Variants in TGM5 observed in about 807,000 individuals in gnomAD.
The protein encoded by TGM5 is transglutaminase 5, also known as protein-glutamine gamma-glutamyltransferase 5.
TGM5 carries 69 observed loss-of-function variants against 77.2 expected under a neutral mutation model. The observed-to-expected ratio is 0.89, with a 90% CI of 0.74 to 1.09. The LOEUF (loss-of-function observed/expected upper bound fraction) is 1.09. Ranked by LOEUF, TGM5 falls within the 50% of genes least tolerant of loss-of-function variation. The pLI is 0.00. For missense variants in TGM5, 842 were observed against 896.5 expected (o/e 0.94, Z 0.78); for synonymous variants, 346 against 351.8 (o/e 0.98, Z 0.18).
chr15:43,261,654 G>A (rs1023968004), intron 1 of TGM5, among the ~76,000 whole-genome samples: 1 of 152,080 alleles, frequency 6.6e-6, no homozygotes, highest in African/African-American at 2.4e-5. Context: ...ATCACAATTG[G>A]CTCACCCATC....
chr15:43,237,617 T>C (rs1302385029), intron 9 of TGM5, among the ~76,000 whole-genome samples: 1 of 152,132 alleles, frequency 6.6e-6, no homozygotes, highest in Non-Finnish European at 1.5e-5. Context: ...GTTGCCATCA[T>C]AGTTCACTGC....
At chr15:43,238,230 T>C (rs1233639849) in intron 9 of TGM5, among the ~76,000 whole-genome samples, 2 of 152,186 alleles carry the variant, frequency 1.3e-5, no homozygotes, top group Non-Finnish European at 1.5e-5. Context: ...CTGGCCCTCA[T>C]GGACTGGATA....
chr15:43,257,627 G>T lies in TGM5; in HGVS notation c.437-941C>A, dbSNP rs563921368. The stretch of plus-strand genomic sequence containing the variant: ...ACATACCAACACTTTTACACTGTTG[G>T]TAGGACTGTAAACTAGTTCAACCAT... On this transcript the variant is annotated intron_variant, in intron 3 of 12. Coordinates refer to ENST00000220420, the MANE Select transcript of TGM5 (RefSeq NM_201631.4). 7.9e-5 allele frequency among the ~76,000 whole-genome samples: 12 copies of T among 152,278 alleles called. No homozygotes were observed. In the East Asian group the frequency reaches 2.3e-3, roughly 29 times the overall value.
chr15:43,253,460 C>A, intron 5 of TGM5, 46 bp downstream of exon 5: 1 of 1,604,406 alleles, frequency 6.2e-7, no homozygotes. Flanking sequence ...GGGCAGGGCT[C>A]CCGCTGCACA....
chr15:43,261,707 C>T (rs542066845), intron 1 of TGM5, among the ~76,000 whole-genome samples: 4 of 152,326 alleles, frequency 2.6e-5, no homozygotes, highest in Non-Finnish European at 4.4e-5. Flanking sequence ...TAACTCTCTT[C>T]ATGCCTTCCA....
Position 43,233,512 on chromosome 15 carries a change from G to C in TGM5, c.2009+42C>G, listed in dbSNP as rs56146507. 20 of 1,613,638 alleles carry C rather than the reference G, an allele frequency of 1.2e-5. No homozygotes were observed. In the South Asian group the frequency reaches 2.0e-4, roughly 16 times the overall value. ...TTCAGGAAGGATAGTGCTAATCTCA[G>C]GGGGGAAAAACAGGAGAAGGCTGAG... On this transcript the variant is annotated intron_variant, in intron 12 of 12. Coordinates refer to ENST00000220420, the MANE Select transcript of TGM5 (RefSeq NM_201631.4).
intron 7 of TGM5, 149 bp downstream of exon 7, chr15:43,240,703 T>A (rs529204108): frequency 2.6e-6 from 2 of 776,470 alleles, no homozygotes; most frequent in African/African-American, 9.4e-5. Flanking sequence ...GGGACAGCCT[T>A]GGTGGGGGGT....
At chr15:43,252,490 G>T (rs944371803) in intron 6 of TGM5, among the ~76,000 whole-genome samples, 1 of 151,888 alleles carries the variant, frequency 6.6e-6, no homozygotes, top group Non-Finnish European at 1.5e-5. Flanking sequence ...GCTAATTTTT[G>T]TATTTTTAGT....
At chr15:43,241,668 C>G (rs1396628500) in intron 6 of TGM5, among the ~76,000 whole-genome samples, 3 of 152,158 alleles carry the variant, frequency 2.0e-5, no homozygotes, top group Non-Finnish European at 4.4e-5. Context: ...TATTTCCATT[C>G]TGTGCTTTTT....
intron 3 of TGM5, among the ~76,000 whole-genome samples, chr15:43,257,525 G>GC (rs2042751070): frequency 6.6e-6 from 1 of 152,218 alleles, no homozygotes; most frequent in African/African-American, 2.4e-5. Flanking sequence ...AAGTAATGGA[G>GC]CTTACTTGAG....
chr15:43,233,571 C>A lies in TGM5; in HGVS notation c.1992G>T (p.Lys664Asn), dbSNP rs759518133. The change falls in exon 12 of 13, where the codon AAG becomes AAT. Residue 664 changes from lysine (K) to asparagine (N), a missense_variant. This residue lies in a region of TGM5 where 815 missense variants were observed against 844.6 expected (regional missense o/e 0.96). Transcript: ENST00000220420. The stretch of plus-strand genomic sequence containing the variant: ...GCACTTACAAGACTTTCTGCTGTTT[C>A]TTGAAGAGGCCACTTCCTTCCACAG... ...VLTVEGSGLF[K>N]KQQKVFLGVL... The A allele has an allele frequency of 1.2e-6, 2 of 1,614,218 alleles. No homozygotes were observed. The highest frequency in any genetic ancestry group is 3.3e-5 in the Admixed American group (2 of 60,028).
At chr15:43,248,688 G>A (rs1185830137) in intron 6 of TGM5, among the ~76,000 whole-genome samples, 1 of 152,212 alleles carries the variant, frequency 6.6e-6, no homozygotes, top group Non-Finnish European at 1.5e-5. Context: ...AAAGGTTTGT[G>A]TTTAGTCCAG....
At chr15:43,241,906 C>T (rs1036212020) in intron 6 of TGM5, among the ~76,000 whole-genome samples, 6 of 152,106 alleles carry the variant, frequency 3.9e-5, no homozygotes, top group African/African-American at 1.4e-4. Context: ...TCCCAAAGTG[C>T]TGGGATTACA....
intron 6 of TGM5, 60 bp from the exon 7 acceptor site, chr15:43,241,050 T>C: frequency 1.2e-6 from 2 of 1,610,390 alleles, no homozygotes; most frequent in Non-Finnish European, 1.7e-6. Flanking sequence ...CGTATATTCC[T>C]GGACTTTGGG....
intron 1 of TGM5, among the ~76,000 whole-genome samples, chr15:43,265,800 C>T (rs1252246677): frequency 6.6e-6 from 1 of 152,066 alleles, no homozygotes; most frequent in African/African-American, 2.4e-5. Flanking sequence ...ACCTAAATGC[C>T]CATCAATAGG....
intron 6 of TGM5, among the ~76,000 whole-genome samples, chr15:43,251,459 C>G (rs1403808563): frequency 6.6e-6 from 1 of 152,154 alleles, no homozygotes; most frequent in Non-Finnish European, 1.5e-5. Flanking sequence ...CAAACTTTGT[C>G]ACACACAAAA....
intron 9 of TGM5, 73 bp downstream of exon 9, chr15:43,238,744 T>G (rs2042609167): frequency 6.3e-7 from 1 of 1,586,842 alleles, no homozygotes; most frequent in African/African-American, 1.3e-5. Context: ...TCGCAGATGC[T>G]CTCTGGCTCC....
In TGM5 at chr15:43,253,602, C is replaced by T. The variant is rs919365583; in HGVS notation, c.588G>A (p.Lys196=). ...GGAAGTGCAGGCTCTTGTCTAGCAG[C>T]TTCAGGCAGATGTCTATGATTTTGT... The part of the protein sequence containing the change: ...FEDKIIDICL[K]LLDKSLHFQT... The change falls in exon 5 of 13, where the codon AAG becomes AAA. Residue 196 remains lysine, a synonymous_variant. Coordinates refer to ENST00000220420, the MANE Select transcript of TGM5 (RefSeq NM_201631.4). 6.8e-6 allele frequency: 11 copies of T among 1,613,706 alleles called. No homozygotes were observed. The highest frequency in any genetic ancestry group is 1.1e-5 in the South Asian group (1 of 91,090).
At chr15:43,252,725 C>A (rs2042713133) in intron 6 of TGM5, 34 bp downstream of exon 6, 1 of 1,612,086 alleles carries the variant, frequency 6.2e-7, no homozygotes, top group Admixed American at 1.7e-5. Context: ...GGCTATACTT[C>A]TGACCTTTTT....
Sources: allele counts gnomAD v4.1 joint callset (sites outside exome capture counted in the v4.1 genomes callset), GRCh38; gene constraint gnomAD v4.1.1; regional missense constraint gnomAD v4.1.1; transcripts MANE v1.5; gene names NCBI Gene and HGNC (gene_info 2026-07-23, HGNC 2026-07-21).